The following WDFY3 variants were observed in gnomAD, a reference collection of about 807,000 sequenced individuals.
The protein encoded by WDFY3 is WD repeat and FYVE domain-containing protein 3.
In WDFY3, 66 loss-of-function variants were observed where a neutral mutation model predicts 409.6. The ratio of observed to expected loss-of-function variants is 0.16; its 90% CI spans 0.13 to 0.20. The LOEUF (loss-of-function observed/expected upper bound fraction) is 0.20. Ranked by LOEUF, WDFY3 falls within the 10% of genes least tolerant of loss-of-function variation. The probability of loss-of-function intolerance (pLI) is 1.00; values close to 1 mark genes in which losing one functional copy is unlikely to be tolerated. For synonymous variants in WDFY3, 1,521 were observed against 1,537.1 expected, an observed-to-expected ratio of 0.99 and a Z score of 0.25; for missense variants, 3,031 against 4,298.1, an observed-to-expected ratio of 0.71 and a Z score of 8.24.
chr4:84,875,321 A>G (rs1762638812), intron 3 of WDFY3, among the ~76,000 whole-genome samples: 1 of 151,690 alleles, frequency 6.6e-6, no homozygotes, highest in Non-Finnish European at 1.5e-5. Flanking sequence ...ATACAGTAAA[A>G]ATACTGTAGA....
intron 2 of WDFY3, among the ~76,000 whole-genome samples, chr4:84,915,707 G>T (rs986101674): frequency 6.6e-6 from 1 of 152,192 alleles, no homozygotes; most frequent in Admixed American, 6.5e-5. Context: ...TAAAAATGGG[G>T]CTCTCAAGAG....
At chr4:84,955,885 T>C (rs141150471) in intron 1 of WDFY3, among the ~76,000 whole-genome samples, 87 of 152,326 alleles carry the variant, frequency 5.7e-4, no homozygotes, top group African/African-American at 2.0e-3. Context: ...TCCTGAGTTA[T>C]TCAACTTATA....
Position 84,794,749 on chromosome 4 carries a change from ATT to A in WDFY3, c.3269-14_3269-13del. The A allele has an allele frequency of 6.3e-7, 1 of 1,590,148 alleles. No homozygotes were observed. Among genetic ancestry groups the A allele is most frequent in the African/African-American group, 1.4e-5 (1 of 73,174 alleles). On this transcript the variant is annotated splice_polypyrimidine_tract_variant and intron_variant, in intron 20 of 67. Transcript: ENST00000295888. ...GAAGAATCTTTCACCTACAGTAAAA[ATT>A]AAAAAAAAAAGTCTGTGTTGATTAA...
intron 1 of WDFY3, among the ~76,000 whole-genome samples, chr4:84,938,296 A>G (rs1455983007): frequency 6.6e-6 from 1 of 152,182 alleles, no homozygotes; most frequent in Non-Finnish European, 1.5e-5. Context: ...ATTGGGGGAC[A>G]ACAACTAGAT....
At position 84,688,276 on chromosome 4, in the gene WDFY3, GAACA is replaced by G. The variant is rs1285157663; in HGVS notation, c.9364-15_9364-12del. On this transcript the variant is annotated splice_polypyrimidine_tract_variant and intron_variant, in intron 61 of 67. Transcript: ENST00000295888. ...GTGGCCCAGTAAGGCCTACGAATGA[GAACA>G]AACAAACAAAATCAGGTTGATCTCA... is the stretch of plus-strand genomic sequence containing the variant. The G allele has an allele frequency of 1.5e-5, 24 of 1,609,220 alleles. No individual in the cohort carries two copies. The highest frequency in any genetic ancestry group is 3.4e-5 in the Admixed American group (2 of 59,252).
At chr4:84,761,283 T>A (rs1742547367) in intron 32 of WDFY3, among the ~76,000 whole-genome samples, 1 of 152,188 alleles carries the variant, frequency 6.6e-6, no homozygotes, top group South Asian at 2.1e-4. Context: ...GTATATTCTG[T>A]TGATTTGGGG....
At chr4:84,948,805 T>A (rs115894830) in intron 1 of WDFY3, among the ~76,000 whole-genome samples, 1 of 152,170 alleles carries the variant, frequency 6.6e-6, no homozygotes, top group African/African-American at 2.4e-5. Flanking sequence ...CTGAGCAGTC[T>A]ACTTTAAATT....
intron 3 of WDFY3, among the ~76,000 whole-genome samples, chr4:84,889,790 A>G (rs1359207863): frequency 6.6e-6 from 1 of 151,872 alleles, no homozygotes; most frequent in Non-Finnish European, 1.5e-5. Context: ...TGACTACCAC[A>G]TGGAAGGCAA....
rs77798012 is a variant in WDFY3 at position 84,754,970 on chromosome 4, A to C, written c.5559+296T>G. On this transcript the variant is annotated intron_variant, in intron 34 of 67. Transcript: ENST00000295888. ...TCCTCACAAATACCCTAAGAGATGCATGCTATTATTGTCGGCATTTTAAAC... is the reference window on the plus strand; with the variant it reads ...TCCTCACAAATACCCTAAGAGATGCCTGCTATTATTGTCGGCATTTTAAAC... 9.8e-4 allele frequency among the ~76,000 whole-genome samples: 149 copies of C among 152,276 alleles called. 1 individual carries two copies. The East Asian group carries it at 0.025, about 26-fold the overall frequency.
chr4:84,944,786 C>T (rs1772601883), intron 1 of WDFY3, among the ~76,000 whole-genome samples: 1 of 151,956 alleles, frequency 6.6e-6, no homozygotes, highest in Admixed American at 6.6e-5. Flanking sequence ...AGTGAGACTT[C>T]CTCTCAAAAA....
intron 2 of WDFY3, among the ~76,000 whole-genome samples, chr4:84,898,251 TG>T (rs1765897914): frequency 6.6e-6 from 1 of 152,222 alleles, no homozygotes; most frequent in African/African-American, 2.4e-5. Flanking sequence ...TGGACAATGC[TG>T]GCTTGGGGGT....
chr4:84,953,437 G>A (rs1275995900), intron 1 of WDFY3, among the ~76,000 whole-genome samples: 2 of 151,958 alleles, frequency 1.3e-5, no homozygotes, highest in Non-Finnish European at 2.9e-5. Context: ...TGACACAGGG[G>A]AAAAATGGGT....
At chr4:84,735,512 G>A (rs533874269) in intron 42 of WDFY3, among the ~76,000 whole-genome samples, 2 of 152,322 alleles carry the variant, frequency 1.3e-5, no homozygotes, top group South Asian at 4.1e-4. Flanking sequence ...TAGCTTGGCT[G>A]AGGCTGTCAC....
At chr4:84,909,457 A>G (rs35283019) in intron 2 of WDFY3, among the ~76,000 whole-genome samples, 1 of 152,104 alleles carries the variant, frequency 6.6e-6, no homozygotes, top group Non-Finnish European at 1.5e-5. Flanking sequence ...TCATATAATA[A>G]CAAAGTAAGA....
chr4:84,886,462 G>A (rs1386224619), intron 3 of WDFY3: 1 of 151,658 alleles, frequency 6.6e-6, no homozygotes, highest in Non-Finnish European at 1.5e-5. Context: ...TGCTGCGAAT[G>A]TGAGCACAAT....
intron 46 of WDFY3, 99 bp from the exon 47 acceptor site, chr4:84,721,671 G>A: frequency 1.4e-6 from 2 of 1,431,526 alleles, no homozygotes; most frequent in Non-Finnish European, 9.4e-7. Flanking sequence ...TCCAATTTGA[G>A]ACAATTTTGG....
At chr4:84,720,350 G>A (rs1734649115) in intron 47 of WDFY3, among the ~76,000 whole-genome samples, 3 of 152,020 alleles carry the variant, frequency 2.0e-5, no homozygotes, top group Non-Finnish European at 4.4e-5. Flanking sequence ...CAGATAAATG[G>A]GATTATAACA....
At chr4:84,698,992 G>C (rs13434605) in intron 56 of WDFY3, among the ~76,000 whole-genome samples, 2,856 of 151,896 alleles carry the variant, frequency 0.019, 99 homozygotes, top group African/African-American at 0.066. Context: ...CCAGCCCCAA[G>C]TGTGTTTTCT....
At chr4:84,692,419 G>GA (rs1322764931) in intron 59 of WDFY3, among the ~76,000 whole-genome samples, 1 of 151,538 alleles carries the variant, frequency 6.6e-6, no homozygotes, top group Non-Finnish European at 1.5e-5. Flanking sequence ...ATTCTAAGGG[G>GA]AAAAAACCTA....
Sources: gnomAD v4.1 joint callset for allele counts (sites outside exome capture counted in the v4.1 genomes callset) on GRCh38, gnomAD v4.1.1 for gene constraint, MANE v1.5 for transcripts, NCBI Gene and HGNC (gene_info 2026-07-23, HGNC 2026-07-21) for gene names.